FOXO3: variants seen among roughly 807,000 people sequenced by gnomAD.
FOXO3 encodes forkhead box O3.
In FOXO3, 4 loss-of-function variants were observed where a neutral mutation model predicts 41.9. That is an observed-to-expected ratio of 0.10 (90% CI 0.05 to 0.22). The LOEUF (loss-of-function observed/expected upper bound fraction) is 0.22, where lower values mean the gene tolerates loss of function less well. Among genes scored for constraint, FOXO3 ranks in the 10% least tolerant of loss-of-function variants. The pLI, the probability that FOXO3 is intolerant of heterozygous loss-of-function variation, is 1.00. For missense variants in FOXO3, 534 were observed against 906.8 expected (o/e 0.59, Z 5.28); for synonymous variants, 318 against 389.3 (o/e 0.82, Z 2.16).
intron 1 of FOXO3, among the ~76,000 whole-genome samples, chr6:108,652,107 C>G (rs1209648361): frequency 6.6e-6 from 1 of 152,148 alleles, no homozygotes; most frequent in Non-Finnish European, 1.5e-5. Context: ...CCAGGGACAG[C>G]CAGGTGATAT....
rs1740137650 is a variant in FOXO3, at chr6:108,682,395, G to GT, written c.*2609dup. The GT allele has an allele frequency of 6.6e-6, 1 of 152,556 alleles. No homozygotes were observed. Among genetic ancestry groups the GT allele is most frequent in the Admixed American group, 6.5e-5 (1 of 15,286 alleles). 9.5% of individuals were successfully genotyped at this position (152,556 alleles called of 1,614,324 possible). A position where few individuals can be genotyped will look rare whatever the true frequency, so the allele number is the denominator to read the frequency against. ...ATGCTTTGGTTTTTTGTTTTGTTTT[G>GT]TTTTTTCTTTTTCAAGTAACTAAAA... On this transcript the variant is annotated 3_prime_UTR_variant, in exon 3 of 3. Transcript: ENST00000406360.
intron 2 of FOXO3, among the ~76,000 whole-genome samples, chr6:108,675,116 A>G (rs1283094577): frequency 1.3e-5 from 2 of 152,134 alleles, no homozygotes; most frequent in African/African-American, 4.8e-5. Context: ...ATCTGTCCCT[A>G]TCTCTGATAG....
intron 1 of FOXO3, among the ~76,000 whole-genome samples, chr6:108,608,345 T>C (rs911138084): frequency 1.3e-5 from 2 of 152,220 alleles, no homozygotes; most frequent in African/African-American, 2.4e-5. Context: ...CACTGGCCTA[T>C]TTTCTGGTCT....
At chr6:108,568,851 G>A (rs1274573374) in intron 1 of FOXO3, among the ~76,000 whole-genome samples, 1 of 152,166 alleles carries the variant, frequency 6.6e-6, no homozygotes, top group Non-Finnish European at 1.5e-5. Context: ...CAATGCATAA[G>A]TCTCTGAAAA....
intron 1 of FOXO3, among the ~76,000 whole-genome samples, chr6:108,562,556 G>C (rs1335140344): frequency 6.6e-6 from 1 of 152,104 alleles, no homozygotes; most frequent in African/African-American, 2.4e-5. Flanking sequence ...GGCTGCACCC[G>C]CTGCTCCCGC....
At chr6:108,614,216 T>G (rs1381805435) in intron 1 of FOXO3, among the ~76,000 whole-genome samples, 1 of 152,116 alleles carries the variant, frequency 6.6e-6, no homozygotes, top group Non-Finnish European at 1.5e-5. Flanking sequence ...GTGAATTAGG[T>G]CAAGTTAGTC....
At chr6:108,607,948 A>G (rs933827529) in intron 1 of FOXO3, among the ~76,000 whole-genome samples, 1 of 152,208 alleles carries the variant, frequency 6.6e-6, no homozygotes, top group African/African-American at 2.4e-5. Flanking sequence ...TGGAAGAACT[A>G]ATCTTTATAA....
At chr6:108,576,458 G>A (rs12200646) in intron 1 of FOXO3, among the ~76,000 whole-genome samples, 16,245 of 152,216 alleles carry the variant, frequency 0.11, 900 homozygotes, top group East Asian at 0.16. Context: ...TAATTTATCA[G>A]CAACCTGTGC....
intron 1 of FOXO3, among the ~76,000 whole-genome samples, chr6:108,628,660 G>A (rs995164325): frequency 1.3e-5 from 2 of 152,158 alleles, no homozygotes; most frequent in Non-Finnish European, 1.5e-5. Context: ...GAGACAGGGA[G>A]TGGGTAGGAG....
chr6:108,660,502 C>T (rs1778812219), intron 1 of FOXO3, among the ~76,000 whole-genome samples: 1 of 152,212 alleles, frequency 6.6e-6, no homozygotes. Context: ...ACTACAGGCC[C>T]TTCCTACATG....
At chr6:108,611,705 T>G (rs1005762493) in intron 1 of FOXO3, among the ~76,000 whole-genome samples, 1 of 152,126 alleles carries the variant, frequency 6.6e-6, no homozygotes, top group Non-Finnish European at 1.5e-5. Context: ...CCTTTTTTTT[T>G]TTTTTAAAGG....
intron 1 of FOXO3, among the ~76,000 whole-genome samples, chr6:108,596,374 G>A (rs574265933): frequency 1.4e-4 from 18 of 132,438 alleles, no homozygotes; most frequent in South Asian, 7.6e-4. Flanking sequence ...CTGGTTAATG[G>A]CCTAAATGAA....
At chr6:108,584,860 A>T (rs1488405301) in intron 1 of FOXO3, among the ~76,000 whole-genome samples, 1 of 152,044 alleles carries the variant, frequency 6.6e-6, no homozygotes, top group East Asian at 1.9e-4. Flanking sequence ...TACTATAGTG[A>T]GAGGTAAAAG....
In FOXO3 at chr6:108,664,798, C is replaced by T. The variant is rs757784597; in HGVS notation, c.1965C>T (p.Asn655=). Reference sequence around the variant, plus strand: ...CCACACAGAATGTTGTTGGTTTGAACGTGGGGAACTTCACTGGTGCTAAGC... The same window carrying T: ...CCACACAGAATGTTGTTGGTTTGAATGTGGGGAACTTCACTGGTGCTAAGC... The part of the protein sequence containing the change: ...LISTQNVVGL[N]VGNFTGAKQA... The change falls in exon 2 of 3, where the codon AAC becomes AAT. Residue 655 remains asparagine (N), a synonymous_variant. Coordinates refer to ENST00000406360, the MANE Select transcript of FOXO3 (RefSeq NM_001455.4). The T allele has an allele frequency of 3.5e-5, 52 of 1,477,902 alleles. No individual in the cohort carries two copies. The highest frequency in any genetic ancestry group is 4.1e-5 in the Non-Finnish European group (45 of 1,097,440). 91.5% of individuals were successfully genotyped at this position (1,477,902 alleles called of 1,614,324 possible). A position where few individuals can be genotyped will look rare whatever the true frequency, so the allele number is the denominator to read the frequency against.
At chr6:108,656,173 A>G (rs76054021) in intron 1 of FOXO3, among the ~76,000 whole-genome samples, 1 of 141,884 alleles carries the variant, frequency 7.0e-6, no homozygotes. Context: ...GTCTTTAAAG[A>G]AAAAAAAAAA....
intron 1 of FOXO3, among the ~76,000 whole-genome samples, chr6:108,614,167 A>AT (rs750660456): frequency 3.3e-5 from 5 of 152,108 alleles, no homozygotes; most frequent in Non-Finnish European, 5.9e-5. Flanking sequence ...CTTAAAAAGA[A>AT]TGTGTTTTCT....
At chr6:108,593,044 GTATT>G (rs2128363620) in intron 1 of FOXO3, among the ~76,000 whole-genome samples, 1 of 152,282 alleles carries the variant, frequency 6.6e-6, no homozygotes, top group East Asian at 1.9e-4. Flanking sequence ...ATATTGTTGA[GTATT>G]TATTTTTAAA....
At chr6:108,606,809 A>G (rs1037825220) in intron 1 of FOXO3, among the ~76,000 whole-genome samples, 5 of 152,092 alleles carry the variant, frequency 3.3e-5, no homozygotes, top group African/African-American at 7.2e-5. Context: ...TATTCTAGCT[A>G]TTTGACCACT....
intron 2 of FOXO3, among the ~76,000 whole-genome samples, chr6:108,673,143 A>C (rs1398519327): frequency 1.3e-5 from 2 of 152,178 alleles, no homozygotes; most frequent in African/African-American, 4.8e-5. Context: ...AGGTGACCCT[A>C]ATGTTTACCT....
Sources: allele counts gnomAD v4.1 joint callset (sites outside exome capture counted in the v4.1 genomes callset), GRCh38; gene constraint gnomAD v4.1.1; transcripts MANE v1.5; gene names NCBI Gene and HGNC (gene_info 2026-07-23, HGNC 2026-07-21).